Variants in FRAS1 observed in about 807,000 individuals in gnomAD.
FRAS1 encodes extracellular matrix organizing protein FRAS1.
FRAS1 carries 290 observed loss-of-function variants against 435.2 expected under a neutral mutation model. The observed-to-expected ratio is 0.67, with a 90% confidence interval of 0.61 to 0.73. The LOEUF is 0.73. FRAS1 is among the 30% of genes least tolerant of loss of function. The pLI is 0.00. For missense variants in FRAS1, 4,860 were observed against 5,001.5 expected (o/e 0.97, Z 0.85); for synonymous variants, 1,800 against 1,851.0 (o/e 0.97, Z 0.71).
Position 78,521,574 on chromosome 4 carries a change from A to G in FRAS1, c.10592A>G (p.Tyr3531Cys). The change falls in exon 68 of 74, where the codon TAC becomes TGC. Residue 3531 changes from tyrosine to cysteine, a missense_variant. Tyr to Cys is a radical substitution (Grantham distance 194, BLOSUM62 -2). Transcript: ENST00000512123. Reference protein sequence around the residue: ...LSARLQIIRIYIREDGRLVIE... With the variant: ...LSARLQIIRICIREDGRLVIE... ...GCAAGGCTTCAGATAATAAGAATCT[A>G]CATTCGAGAGGATGGCCGTCTTGTC... is the stretch of plus-strand genomic sequence containing the variant. 1 of 1,611,802 alleles carries G rather than the reference A, an allele frequency of 6.2e-7. No individual in the cohort carries two copies. The highest frequency in any genetic ancestry group is 8.5e-7 in the Non-Finnish European group (1 of 1,178,822).
At chr4:78,126,836 A>T (rs562133858) in intron 2 of FRAS1, among the ~76,000 whole-genome samples, 1 of 152,284 alleles carries the variant, frequency 6.6e-6, no homozygotes, top group South Asian at 2.1e-4. Context: ...GTATATGTGT[A>T]CCTCTAGAAT....
chr4:78,092,084 G>C (rs957512446), intron 2 of FRAS1, among the ~76,000 whole-genome samples: 1 of 151,950 alleles, frequency 6.6e-6, no homozygotes, highest in Non-Finnish European at 1.5e-5. Context: ...GGTGGTTCTG[G>C]AGCTATAGAC....
At position 78,190,001 on chromosome 4, in the gene FRAS1, GT is replaced by G. The variant is rs530610790; in HGVS notation, c.109-47507del. Among the ~76,000 whole-genome samples the G allele has an allele frequency of 3.0e-4, 46 of 152,262 alleles. No individual in the cohort carries two copies. In the East Asian group the frequency reaches 6.6e-3, roughly 22 times the overall value. ...ACTGATGCATTAGCCATCTAACCTG[GT>G]TCTGTTGTTTCTACTGTTGGCCAGC... On this transcript the variant is annotated intron_variant, in intron 2 of 73. Transcript: ENST00000512123.
At chr4:78,411,108 A>ATTTTTTTTTTTTTTTTTT (rs369399937) in intron 31 of FRAS1, among the ~76,000 whole-genome samples, 2 of 142,858 alleles carry the variant, frequency 1.4e-5, no homozygotes. Flanking sequence ...AGTTGCATGG[A>ATTTTTTTTTTTTTTTTTT]TTTTTTTTCT....
At position 78,311,803 on chromosome 4, in the gene FRAS1, T is replaced by C. The variant is rs770887998; in HGVS notation, c.1678+3594T>C. Among the ~76,000 whole-genome samples, 46 of 152,342 alleles carry C rather than the reference T, an allele frequency of 3.0e-4. 1 individual carries two copies. Among genetic ancestry groups the C allele is most frequent in the Admixed American group, 2.2e-3 (33 of 15,306 alleles). ...ATTAAATTTGCCTATTTCTGATGAT[T>C]AATGAGTTTGAGTATATCTTCAACT... On this transcript the variant is annotated intron_variant, in intron 15 of 73. Coordinates refer to ENST00000512123, the MANE Select transcript of FRAS1 (RefSeq NM_025074.7).
At chr4:78,168,127 T>C (rs936035424) in intron 2 of FRAS1, among the ~76,000 whole-genome samples, 2 of 152,112 alleles carry the variant, frequency 1.3e-5, no homozygotes, top group Non-Finnish European at 2.9e-5. Flanking sequence ...GTCTTCAACT[T>C]ACTTAGAATG....
intron 2 of FRAS1, among the ~76,000 whole-genome samples, chr4:78,235,052 C>T (rs745699226): frequency 1.7e-4 from 26 of 152,166 alleles, no homozygotes; most frequent in Admixed American, 6.5e-5. Context: ...GGAACTTGGG[C>T]AGAAATGCTA....
chr4:78,204,006 T>C (rs1334645767), intron 2 of FRAS1, among the ~76,000 whole-genome samples: 3 of 152,192 alleles, frequency 2.0e-5, no homozygotes, highest in African/African-American at 7.2e-5. Flanking sequence ...TGTTCCTGAG[T>C]ACAAAAAGGC....
intron 2 of FRAS1, among the ~76,000 whole-genome samples, chr4:78,140,462 A>G (rs1238507760): frequency 6.6e-6 from 1 of 152,110 alleles, no homozygotes; most frequent in African/African-American, 2.4e-5. Context: ...TTGTATGACC[A>G]TGTGCAAATT....
At position 78,479,637 on chromosome 4, in the gene FRAS1, G is replaced by A; in HGVS notation, c.8362G>A (p.Ala2788Thr). ...TGCCCGCATTGGAAGGGTGGCGACA[G>A]CCAAGGTGCTCATTAGTGGTCCCAA... ...DNARIGRVAT[A>T]KVLISGPNDA... Residue 2788 changes from alanine (A) to threonine (T), a missense_variant, in exon 56 of 74, where the codon GCC (alanine) becomes ACC (threonine). Coordinates refer to ENST00000512123, the MANE Select transcript of FRAS1 (RefSeq NM_025074.7). The A allele has an allele frequency of 6.2e-7, 1 of 1,613,844 alleles. No individual in the cohort carries two copies. The highest frequency in any genetic ancestry group is 2.2e-5 in the East Asian group (1 of 44,854).
At chr4:78,466,521 T>C (rs1387689011) in intron 50 of FRAS1, 86 bp downstream of exon 50, 2 of 1,007,912 alleles carry the variant, frequency 2.0e-6, no homozygotes, top group Non-Finnish European at 3.0e-6. Context: ...ATACCATTGT[T>C]TGAGTTCTCG....
In FRAS1 at chr4:78,470,376, C is replaced by T. The variant is rs183385917; in HGVS notation, c.7371+285C>T. ...ATTTTTTTCTCACATATAGGGTGGA[C>T]GTAAGTGGGCAGTGCAGGGCTCTAC... On this transcript the variant is annotated intron_variant, in intron 51 of 73. Transcript: ENST00000512123. 6.6e-5 allele frequency among the ~76,000 whole-genome samples: 10 copies of T among 152,172 alleles called. No individual in the cohort carries two copies. The East Asian group carries it at 1.2e-3, about 18-fold the overall frequency.
chr4:78,509,151 T>C (rs934320781), intron 63 of FRAS1, 145 bp downstream of exon 63: 1 of 887,188 alleles, frequency 1.1e-6, no homozygotes, highest in African/African-American at 1.9e-5. Flanking sequence ...TTTTTACTCT[T>C]ATACATAAGA....
At chr4:78,069,770 A>G (rs1330746386) in intron 2 of FRAS1, among the ~76,000 whole-genome samples, 1 of 137,966 alleles carries the variant, frequency 7.2e-6, no homozygotes, top group Non-Finnish European at 1.5e-5. Flanking sequence ...TTAATACTCA[A>G]CAAACCCAGG....
intron 14 of FRAS1, among the ~76,000 whole-genome samples, chr4:78,303,511 G>C (rs1188874446): frequency 2.6e-5 from 4 of 152,138 alleles, no homozygotes; most frequent in Non-Finnish European, 5.9e-5. Flanking sequence ...TCTTCCATTT[G>C]TTTGTATCCT....
At chr4:78,161,928 C>T (rs147962363) in intron 2 of FRAS1, among the ~76,000 whole-genome samples, 3 of 152,006 alleles carry the variant, frequency 2.0e-5, no homozygotes, top group African/African-American at 7.2e-5. Flanking sequence ...AAAATTGAGG[C>T]TATTCATAGA....
At chr4:78,127,048 T>A (rs1719400132) in intron 2 of FRAS1, among the ~76,000 whole-genome samples, 1 of 152,134 alleles carries the variant, frequency 6.6e-6, no homozygotes, top group Non-Finnish European at 1.5e-5. Flanking sequence ...ATGCTCTTGT[T>A]CTTTAGTCTA....
intron 18 of FRAS1, among the ~76,000 whole-genome samples, chr4:78,325,644 G>C (rs1729688788): frequency 6.6e-6 from 1 of 152,092 alleles, no homozygotes; most frequent in African/African-American, 2.4e-5. Context: ...TTTGGGGATA[G>C]AAAGATGAAA....
intron 3 of FRAS1, among the ~76,000 whole-genome samples, chr4:78,242,264 T>C (rs766548446): frequency 5.9e-5 from 9 of 152,194 alleles, no homozygotes; most frequent in Non-Finnish European, 1.2e-4. Context: ...GGTATGGTCA[T>C]GTCAAGAACC....
Sources: gnomAD v4.1 joint callset for allele counts (sites outside exome capture counted in the v4.1 genomes callset) on GRCh38, gnomAD v4.1.1 for gene constraint, MANE v1.5 for transcripts, NCBI Gene and HGNC (gene_info 2026-07-23, HGNC 2026-07-21) for gene names.